The following CADM2 variants were observed in gnomAD, a reference collection of about 807,000 sequenced individuals.
CADM2 encodes the protein cell adhesion molecule 2.
CADM2 carries 12 observed loss-of-function variants against 49.8 expected under a neutral mutation model. The observed-to-expected ratio is 0.24, with a 90% CI of 0.15 to 0.39. The LOEUF (loss-of-function observed/expected upper bound fraction) is 0.39, where lower values mean the gene tolerates loss of function less well. Among genes scored for constraint, CADM2 ranks in the 10% least tolerant of loss-of-function variants. The pLI, the probability that CADM2 is intolerant of heterozygous loss-of-function variation, is 1.00. For missense variants in CADM2, 378 were observed against 492.3 expected (o/e 0.77, Z 2.20); for synonymous variants, 214 against 175.4 (o/e 1.22, Z -1.74).
At chr3:85,536,555 G>A (rs1673866969) in intron 1 of CADM2, among the ~76,000 whole-genome samples, 1 of 151,694 alleles carries the variant, frequency 6.6e-6, no homozygotes, top group Non-Finnish European at 1.5e-5. Context: ...ATTACTCTAA[G>A]TTTTTCATAA....
At chr3:85,436,788 C>T (rs977472546) in intron 1 of CADM2, among the ~76,000 whole-genome samples, 2 of 152,168 alleles carry the variant, frequency 1.3e-5, no homozygotes, top group Non-Finnish European at 2.9e-5. Flanking sequence ...CATAACCTCT[C>T]CCACTATTAA....
intron 3 of CADM2, among the ~76,000 whole-genome samples, chr3:85,881,178 T>C (rs1008090003): frequency 2.0e-5 from 3 of 152,176 alleles, no homozygotes; most frequent in Non-Finnish European, 4.4e-5. Flanking sequence ...TCATTTTCAT[T>C]GTACTATAGA....
chr3:85,622,091 C>T (rs2107492593), intron 1 of CADM2, among the ~76,000 whole-genome samples: 1 of 152,256 alleles, frequency 6.6e-6, no homozygotes, highest in South Asian at 2.1e-4. Context: ...TGTGGATAGT[C>T]TATTTTCATT....
chr3:85,945,263 C>A lies in CADM2; in HGVS notation c.791+9406C>A, dbSNP rs151068891. On this transcript the variant is annotated intron_variant, in intron 7 of 9. Coordinates refer to ENST00000383699, the MANE Select transcript of CADM2 (RefSeq NM_001167675.2). ...AATCTCTGAATAGACCAATAACAGG[C>A]TCTGAAATTGAGGCAATAATTAAGA... Among the ~76,000 whole-genome samples the A allele has an allele frequency of 9.4e-3, 1,424 of 152,058 alleles. 13 individuals are homozygous for A. The highest frequency in any genetic ancestry group is 0.048 in the Middle Eastern group (14 of 294).
intron 1 of CADM2, among the ~76,000 whole-genome samples, chr3:85,033,733 C>G (rs1261084895): frequency 6.6e-6 from 1 of 152,186 alleles, no homozygotes; most frequent in Middle Eastern, 3.4e-3. Context: ...TTAAAAGTTT[C>G]TGAATATGTG....
At chr3:85,894,995 G>A (rs924575581) in intron 5 of CADM2, among the ~76,000 whole-genome samples, 4 of 152,204 alleles carry the variant, frequency 2.6e-5, no homozygotes, top group African/African-American at 9.7e-5. Flanking sequence ...GGATAATTGG[G>A]GTCATAACCC....
chr3:85,159,866 A>G (rs947852236), intron 1 of CADM2, among the ~76,000 whole-genome samples: 7 of 152,192 alleles, frequency 4.6e-5, no homozygotes, highest in Admixed American at 4.6e-4. Flanking sequence ...TCATATGAAA[A>G]TTGGAATAAC....
rs1240364733 is a variant in CADM2 at position 85,556,735 on chromosome 3, A to T, written c.62-169787A>T. Among the ~76,000 whole-genome samples, 3 of 152,138 alleles carry T rather than the reference A, an allele frequency of 2.0e-5. No homozygotes were observed. The East Asian group carries it at 5.8e-4, about 29-fold the overall frequency. On this transcript the variant is annotated intron_variant, in intron 1 of 9. Coordinates refer to ENST00000383699, the MANE Select transcript of CADM2 (RefSeq NM_001167675.2). ...CTCTCATTAAGAACAGCAGTACAGG[A>T]AATCATTTACTGATCATTTTACAAT...
intron 1 of CADM2, among the ~76,000 whole-genome samples, chr3:85,078,423 A>G (rs750786331): frequency 3.3e-5 from 5 of 151,976 alleles, no homozygotes; most frequent in Non-Finnish European, 7.4e-5. Context: ...GAACAAAGCA[A>G]ATATATTTAA....
intron 1 of CADM2, among the ~76,000 whole-genome samples, chr3:85,680,594 C>T (rs907957369): frequency 1.3e-5 from 2 of 152,128 alleles, no homozygotes; most frequent in African/African-American, 4.8e-5. Flanking sequence ...TGAAGCCCAA[C>T]TGTGTCATAC....
At chr3:85,404,334 G>T (rs781370633) in intron 1 of CADM2, among the ~76,000 whole-genome samples, 113 of 151,974 alleles carry the variant, frequency 7.4e-4, no homozygotes, top group Admixed American at 1.4e-3. Flanking sequence ...TTTACAGCTT[G>T]TGTATTGTGT....
At chr3:85,119,674 C>G (rs1353361122) in intron 1 of CADM2, among the ~76,000 whole-genome samples, 7 of 152,006 alleles carry the variant, frequency 4.6e-5, no homozygotes, top group Non-Finnish European at 8.8e-5. Flanking sequence ...CTCTTATATT[C>G]TTGAGCAGTG....
At chr3:85,916,151 C>T (rs975779685) in intron 6 of CADM2, among the ~76,000 whole-genome samples, 1 of 151,974 alleles carries the variant, frequency 6.6e-6, no homozygotes, top group Non-Finnish European at 1.5e-5. Context: ...TAAATACTGC[C>T]ACTATGATGA....
chr3:85,961,919 T>C (rs1056437489), intron 8 of CADM2, among the ~76,000 whole-genome samples: 23 of 151,868 alleles, frequency 1.5e-4, no homozygotes, highest in African/African-American at 5.1e-4. Flanking sequence ...TAAACTATAT[T>C]AATGATTGTC....
chr3:85,086,893 A>G (rs2037403068), intron 1 of CADM2, among the ~76,000 whole-genome samples: 2 of 152,186 alleles, frequency 1.3e-5, no homozygotes, highest in South Asian at 4.1e-4. Context: ...TGGTGTAGCC[A>G]TCTGCTTTCA....
At chr3:86,012,900 G>C in intron 8 of CADM2, 1 of 584,366 alleles carries the variant, frequency 1.7e-6, no homozygotes, top group South Asian at 1.8e-5. Context: ...GCGTGAACCC[G>C]GGAGGCGGAG....
chr3:85,134,422 C>G (rs1393500794), intron 1 of CADM2, among the ~76,000 whole-genome samples: 4 of 152,266 alleles, frequency 2.6e-5, no homozygotes, highest in Non-Finnish European at 5.9e-5. Context: ...GCTGTCACCT[C>G]TCAATACCAC....
intron 8 of CADM2, among the ~76,000 whole-genome samples, chr3:86,000,685 A>G (rs1730071932): frequency 7.7e-6 from 1 of 129,230 alleles, no homozygotes; most frequent in Admixed American, 7.5e-5. Context: ...GAACAGAAAG[A>G]AAAAAAAAAA....
At chr3:85,592,498 G>T (rs2063134049) in intron 1 of CADM2, among the ~76,000 whole-genome samples, 1 of 151,910 alleles carries the variant, frequency 6.6e-6, no homozygotes, top group East Asian at 1.9e-4. Context: ...TAACTGAACA[G>T]AACTTTTGCC....
Sources: gnomAD v4.1 joint callset for allele counts (sites outside exome capture counted in the v4.1 genomes callset) on GRCh38, gnomAD v4.1.1 for gene constraint, MANE v1.5 for transcripts, NCBI Gene and HGNC (gene_info 2026-07-23, HGNC 2026-07-21) for gene names.